The following ICA1L variants were observed in gnomAD, a reference collection of about 807,000 sequenced individuals.
The protein encoded by ICA1L is islet cell autoantigen 1 like.
Under a neutral mutation model 61.3 loss-of-function variants are expected in ICA1L, and 50 were observed. That is an observed-to-expected ratio of 0.82 (90% CI 0.65 to 1.03). The LOEUF is 1.03. Among genes scored for constraint, ICA1L ranks in the 50% least tolerant of loss-of-function variants. ICA1L has a pLI of 0.00. For synonymous variants in ICA1L, 161 were observed against 191.3 expected, an observed-to-expected ratio of 0.84 and a Z score of 1.31; for missense variants, 508 against 556.7, an observed-to-expected ratio of 0.91 and a Z score of 0.88.
intron 6 of ICA1L, among the ~76,000 whole-genome samples, chr2:202,817,114 A>G (rs1449106422): frequency 6.6e-6 from 1 of 152,202 alleles, no homozygotes; most frequent in Non-Finnish European, 1.5e-5. Context: ...CAGAAGTGGA[A>G]CAGCTCTGGT....
intron 9 of ICA1L, among the ~76,000 whole-genome samples, chr2:202,800,024 C>T (rs934492039): frequency 7.9e-5 from 12 of 151,922 alleles, no homozygotes; most frequent in Admixed American, 5.2e-4. Context: ...ATTACAGGTA[C>T]GCACTGCCAC....
intron 10 of ICA1L, among the ~76,000 whole-genome samples, chr2:202,789,390 G>A (rs1035776774): frequency 1.3e-5 from 2 of 152,046 alleles, no homozygotes; most frequent in African/African-American, 2.4e-5. Context: ...TTAATAATAC[G>A]AGACTTTAAT....
intron 1 of ICA1L, among the ~76,000 whole-genome samples, chr2:202,845,332 A>T (rs1301466224): frequency 6.6e-6 from 1 of 152,136 alleles, no homozygotes; most frequent in Non-Finnish European, 1.5e-5. Context: ...ATTTCTTCAT[A>T]AAAGATACTT....
intron 10 of ICA1L, among the ~76,000 whole-genome samples, chr2:202,790,183 A>G (rs978238522): frequency 6.6e-6 from 1 of 152,120 alleles, no homozygotes; most frequent in Non-Finnish European, 1.5e-5. Context: ...TTGTAATTTT[A>G]CCTTTTGACA....
chr2:202,848,103 T>G (rs1694517649), intron 1 of ICA1L, among the ~76,000 whole-genome samples: 1 of 151,894 alleles, frequency 6.6e-6, no homozygotes. Context: ...GGAGGAGGTG[T>G]TGAGATTAGC....
At chr2:202,858,237 T>C (rs1694817093) in intron 1 of ICA1L, among the ~76,000 whole-genome samples, 1 of 152,150 alleles carries the variant, frequency 6.6e-6, no homozygotes, top group African/African-American at 2.4e-5. Context: ...CCATCAATGA[T>C]AGACTGGATA....
chr2:202,783,529 A>G (rs745989905), intron 12 of ICA1L, among the ~76,000 whole-genome samples: 4 of 152,252 alleles, frequency 2.6e-5, no homozygotes, highest in Non-Finnish European at 5.9e-5. Context: ...AATTCAAGGA[A>G]TATTCAAAAT....
intron 10 of ICA1L, among the ~76,000 whole-genome samples, chr2:202,792,124 T>C (rs527662182): frequency 4.2e-4 from 64 of 152,216 alleles, no homozygotes; most frequent in Non-Finnish European, 8.8e-4. Flanking sequence ...GCTGAGATCC[T>C]GCCACTGCAC....
In ICA1L at chr2:202,774,350, G is replaced by A. The variant is rs1186630684; in HGVS notation, c.*5183C>T. ...CAGCGCTGAGGCGAGCCTGCCGCGC[G>A]CTCCGCTCAGCGTGGTCTGGCAGCC... On this transcript the variant is annotated 3_prime_UTR_variant, in exon 13 of 13. Coordinates refer to ENST00000358299, the MANE Select transcript of ICA1L (RefSeq NM_001288622.3). 4 of 1,374,074 alleles carry A rather than the reference G, an allele frequency of 2.9e-6. No homozygotes were observed. Among genetic ancestry groups the A allele is most frequent in the South Asian group, 1.6e-5 (1 of 62,110 alleles). The allele number at this position is 1,374,074 out of a possible 1,614,324, so 85.1% of individuals were successfully genotyped here.
chr2:202,817,310 A>G, intron 6 of ICA1L, 108 bp downstream of exon 6: 1 of 1,048,906 alleles, frequency 9.5e-7, no homozygotes, highest in African/African-American at 1.6e-5. Context: ...AAGCAAAGTC[A>G]AAGGAATCTA....
chr2:202,851,955 T>A (rs1206617125), intron 1 of ICA1L, among the ~76,000 whole-genome samples: 3 of 152,176 alleles, frequency 2.0e-5, no homozygotes, highest in African/African-American at 7.2e-5. Context: ...ATTCTGTAGG[T>A]TGCCTGTTCA....
At chr2:202,801,385 G>A (rs1054992724) in intron 9 of ICA1L, among the ~76,000 whole-genome samples, 1 of 152,206 alleles carries the variant, frequency 6.6e-6, no homozygotes, top group Non-Finnish European at 1.5e-5. Flanking sequence ...AGGCAGATGA[G>A]TGAGAAAGGT....
intron 1 of ICA1L, among the ~76,000 whole-genome samples, chr2:202,847,370 T>C (rs1694491546): frequency 2.0e-5 from 3 of 152,284 alleles, no homozygotes; most frequent in Middle Eastern, 3.4e-3. Flanking sequence ...ATCAAGAACA[T>C]CAGAGTTTTC....
At chr2:202,786,634 G>A (rs1692594273) in intron 11 of ICA1L, 4 of 410,784 alleles carry the variant, frequency 9.7e-6, no homozygotes, top group South Asian at 7.4e-5. Context: ...GAAGGAACAG[G>A]CCTGATAATT....
Position 202,821,424 on chromosome 2 carries a change from T to C in ICA1L, c.293A>G (p.Asp98Gly). ...GLFLKFQAERDATQAGKMMDA... is the reference protein window; with the variant it reads ...GLFLKFQAERGATQAGKMMDA... ...CATCATTTTGCCAGCTTGAGTTGCA[T>C]CCCGTTCTGCTTGAAATTTTAAAAA... Residue 98 changes from aspartate to glycine, a missense_variant, in exon 4 of 13, where the codon GAT becomes GGT. By Grantham distance (94) the Asp-to-Gly change is moderately conservative. Coordinates refer to ENST00000358299, the MANE Select transcript of ICA1L (RefSeq NM_001288622.3). The C allele has an allele frequency of 6.2e-7, 1 of 1,613,464 alleles. No individual in the cohort carries two copies.
intron 2 of ICA1L, among the ~76,000 whole-genome samples, chr2:202,826,850 A>G (rs1374613288): frequency 6.6e-6 from 1 of 152,088 alleles, no homozygotes; most frequent in East Asian, 1.9e-4. Flanking sequence ...TATAATATTA[A>G]GCCCTAACCC....
chr2:202,836,886 G>A (rs942560852), intron 1 of ICA1L, among the ~76,000 whole-genome samples: 3 of 136,074 alleles, frequency 2.2e-5, no homozygotes, highest in African/African-American at 8.1e-5. Flanking sequence ...TGGATGCCCA[G>A]GCTGGAGTGC....
rs1458280435 is a variant in ICA1L at position 202,839,572 on chromosome 2, G to C, written c.-7-10556C>G. Among the ~76,000 whole-genome samples, 5 of 26,992 alleles carry C rather than the reference G, an allele frequency of 1.9e-4. No individual in the cohort carries two copies. In the East Asian group the frequency reaches 7.2e-3, roughly 39 times the overall value. 17.7% of individuals were successfully genotyped at this position (26,992 alleles called of 152,430 possible). A position where few individuals can be genotyped will look rare whatever the true frequency, so the allele number is the denominator to read the frequency against. ...TACAGTTAAGTCTGTGTGTGTGTGT[G>C]TGTGTGTGTGTGTGTGTGTGTGTGT... On this transcript the variant is annotated intron_variant, in intron 1 of 12. Transcript: ENST00000358299.
intron 1 of ICA1L, chr2:202,841,548 G>T: frequency 2.8e-6 from 2 of 713,274 alleles, no homozygotes; most frequent in Non-Finnish European, 2.6e-6. Context: ...AGGTTAAGGG[G>T]GCTCAGCAGG....
Sources: gnomAD v4.1 joint callset for allele counts (sites outside exome capture counted in the v4.1 genomes callset) on GRCh38, gnomAD v4.1.1 for gene constraint, MANE v1.5 for transcripts, NCBI Gene and HGNC (gene_info 2026-07-23, HGNC 2026-07-21) for gene names.